Variants in NELL1 observed in about 807,000 individuals in gnomAD.
The protein encoded by NELL1 is protein kinase C-binding protein NELL1.
A neutral mutation model predicts 107.4 loss-of-function variants in NELL1; 76 were observed. The observed-to-expected ratio is 0.71, with a 90% CI of 0.59 to 0.86. The LOEUF (loss-of-function observed/expected upper bound fraction) is 0.86, where lower values mean the gene tolerates loss of function less well. Among genes scored for constraint, NELL1 ranks in the 40% least tolerant of loss-of-function variants. The pLI is 0.00. For synonymous variants in NELL1, 353 were observed against 341.2 expected, an observed-to-expected ratio of 1.03 and a Z score of -0.38; for missense variants, 1,024 against 1,005.5, an observed-to-expected ratio of 1.02 and a Z score of -0.25.
intron 13 of NELL1, among the ~76,000 whole-genome samples, chr11:21,172,668 T>C (rs1017541802): frequency 3.3e-5 from 5 of 151,844 alleles, no homozygotes; most frequent in African/African-American, 1.2e-4. Context: ...TCAACAATGA[T>C]ACTTCTACAA....
intron 12 of NELL1, among the ~76,000 whole-genome samples, chr11:21,099,056 A>C (rs1854729680): frequency 6.6e-6 from 1 of 152,054 alleles, no homozygotes; most frequent in Admixed American, 6.6e-5. Context: ...CTTTGTTATC[A>C]GCCTTTTATT....
intron 15 of NELL1, among the ~76,000 whole-genome samples, chr11:21,400,930 A>T (rs1231080132): frequency 6.6e-6 from 1 of 151,834 alleles, no homozygotes; most frequent in Middle Eastern, 3.2e-3. Context: ...GAAGGGGGAT[A>T]CTCTGATCTG....
intron 4 of NELL1, among the ~76,000 whole-genome samples, chr11:20,876,775 A>G (rs536312415): frequency 1.3e-5 from 2 of 151,926 alleles, no homozygotes; most frequent in South Asian, 4.2e-4. Context: ...AAACAAAACA[A>G]AACAAAACAA....
intron 12 of NELL1, among the ~76,000 whole-genome samples, chr11:21,107,601 G>A (rs549768786): frequency 6.6e-6 from 1 of 152,084 alleles, no homozygotes; most frequent in South Asian, 2.1e-4. Context: ...TAGTGTGGGG[G>A]CTCGGGTCAT....
chr11:21,453,957 T>G (rs1046785937), intron 15 of NELL1, among the ~76,000 whole-genome samples: 1 of 151,558 alleles, frequency 6.6e-6, no homozygotes, highest in African/African-American at 2.4e-5. Context: ...CTTTAAGTTT[T>G]AGGGTACATG....
intron 14 of NELL1, among the ~76,000 whole-genome samples, chr11:21,270,699 C>T (rs905693648): frequency 6.6e-6 from 1 of 152,158 alleles, no homozygotes; most frequent in Non-Finnish European, 1.5e-5. Context: ...CTATGAACTA[C>T]ATCATTCAGT....
chr11:20,942,504 G>A (rs1283120081), intron 10 of NELL1, among the ~76,000 whole-genome samples: 1 of 152,124 alleles, frequency 6.6e-6, no homozygotes, highest in Non-Finnish European at 1.5e-5. Context: ...AGCAGGTGGG[G>A]TGGTCAATAA....
chr11:21,248,135 A>G (rs1196541195), intron 14 of NELL1, among the ~76,000 whole-genome samples: 4 of 152,170 alleles, frequency 2.6e-5, no homozygotes, highest in Non-Finnish European at 4.4e-5. Flanking sequence ...GCTTGAGCTC[A>G]GGAGTTCAAG....
intron 3 of NELL1, among the ~76,000 whole-genome samples, chr11:20,785,763 C>T (rs532760387): frequency 4.6e-5 from 7 of 152,208 alleles, no homozygotes; most frequent in African/African-American, 9.6e-5. Flanking sequence ...TCTATTTTCC[C>T]GGGCTGCTCT....
rs562652873 is a variant in NELL1, at chr11:21,119,682, C to T, written c.1426+5968C>T. Among the ~76,000 whole-genome samples the T allele has an allele frequency of 2.0e-4, 31 of 152,144 alleles. No individual in the cohort carries two copies. The East Asian group carries it at 4.3e-3, about 21-fold the overall frequency. ...AATTGCGTTGTTTCTTGTAAGAGAT[C>T]CCTTAGTTGCTCTTGCTCTTTTATG... On this transcript the variant is annotated intron_variant, in intron 13 of 19. Coordinates refer to ENST00000357134, the MANE Select transcript of NELL1 (RefSeq NM_006157.5).
At chr11:20,692,140 T>C (rs1362462883) in intron 2 of NELL1, among the ~76,000 whole-genome samples, 2 of 151,618 alleles carry the variant, frequency 1.3e-5, no homozygotes, top group African/African-American at 2.4e-5. Context: ...ATCCCCTTTA[T>C]CATTTTTTAT....
intron 4 of NELL1, among the ~76,000 whole-genome samples, chr11:20,850,463 A>C (rs184791905): frequency 1.3e-5 from 2 of 152,296 alleles, no homozygotes; most frequent in African/African-American, 4.8e-5. Context: ...CTTATTCCAT[A>C]CTCATTCTAT....
intron 13 of NELL1, among the ~76,000 whole-genome samples, chr11:21,189,828 A>C (rs1237250238): frequency 6.6e-6 from 1 of 151,738 alleles, no homozygotes. Flanking sequence ...GGATGTTGTA[A>C]CTATTGAAAT....
intron 13 of NELL1, among the ~76,000 whole-genome samples, chr11:21,196,268 G>A (rs996675041): frequency 6.6e-6 from 1 of 152,140 alleles, no homozygotes; most frequent in African/African-American, 2.4e-5. Flanking sequence ...TCTTACAGAG[G>A]TTGACGGAAA....
intron 12 of NELL1, among the ~76,000 whole-genome samples, chr11:21,059,610 G>T (rs76082314): frequency 0.027 from 4,071 of 152,008 alleles, 127 homozygotes; most frequent in South Asian, 0.13. Context: ...TTTTACTTTC[G>T]GATATACACT....
intron 12 of NELL1, among the ~76,000 whole-genome samples, chr11:20,991,475 T>G (rs10833430): frequency 0.22 from 33,036 of 152,206 alleles, 3,993 homozygotes; most frequent in Middle Eastern, 0.41. Context: ...GAGGAGTAAA[T>G]GGAGGCCCTG....
At chr11:20,722,132 C>G (rs1611904) in intron 2 of NELL1, among the ~76,000 whole-genome samples, 11,086 of 151,588 alleles carry the variant, frequency 0.073, 877 homozygotes, top group African/African-American at 0.2. Context: ...GTGATCCTCC[C>G]GCCTCAGCCT....
At position 21,363,765 on chromosome 11, in the gene NELL1, T is replaced by C. The variant is rs79722098; in HGVS notation, c.1550-7088T>C. On this transcript the variant is annotated intron_variant, in intron 14 of 19. Transcript: ENST00000357134. The stretch of plus-strand genomic sequence containing the variant: ...TAAATTTACTTCAATAACAAATACA[T>C]GTTTATTATCACACAGGTTCAAGAT... 4.3e-3 allele frequency among the ~76,000 whole-genome samples: 659 copies of C among 152,308 alleles called. 6 individuals carry two copies. Among genetic ancestry groups the C allele is most frequent in the African/African-American group, 0.015 (621 of 41,570 alleles).
At chr11:21,000,044 C>T (rs1267812951) in intron 12 of NELL1, among the ~76,000 whole-genome samples, 1 of 151,988 alleles carries the variant, frequency 6.6e-6, no homozygotes, top group Admixed American at 6.6e-5. Flanking sequence ...CTCAGATCCA[C>T]CAAGGGTAAA....
Sources: allele counts gnomAD v4.1 joint callset (sites outside exome capture counted in the v4.1 genomes callset), GRCh38; gene constraint gnomAD v4.1.1; transcripts MANE v1.5; gene names NCBI Gene and HGNC (gene_info 2026-07-23, HGNC 2026-07-21).